Variants in NUP205 observed in about 807,000 individuals in gnomAD.
The protein encoded by NUP205 is nuclear pore complex protein Nup205.
Under a neutral mutation model 253.8 loss-of-function variants are expected in NUP205, and 76 were observed. The observed-to-expected ratio is 0.30, with a 90% CI of 0.25 to 0.36. NUP205 has a LOEUF of 0.36. Ranked by LOEUF, NUP205 falls within the 10% of genes least tolerant of loss-of-function variation. The probability of loss-of-function intolerance (pLI) is 1.00; values close to 1 mark genes in which losing one functional copy is unlikely to be tolerated. For missense variants in NUP205, 2,162 were observed against 2,425.5 expected (o/e 0.89, Z 2.28); for synonymous variants, 832 against 850.1 (o/e 0.98, Z 0.37).
At chr7:135,634,195 CA>C (rs1794767151) in intron 35 of NUP205, among the ~76,000 whole-genome samples, 1 of 152,130 alleles carries the variant, frequency 6.6e-6, no homozygotes, top group African/African-American at 2.4e-5. Context: ...CTCAGCCTCC[CA>C]AAATGCAGAT....
intron 8 of NUP205, among the ~76,000 whole-genome samples, chr7:135,585,495 T>G (rs1406744947): frequency 1.3e-5 from 2 of 152,190 alleles, no homozygotes; most frequent in Non-Finnish European, 2.9e-5. Context: ...ATTTAATATT[T>G]TTATACATGA....
In NUP205 at chr7:135,591,227, T is replaced by A. The variant is rs73725155; in HGVS notation, c.1474-223T>A. 0.034 allele frequency among the ~76,000 whole-genome samples: 5,168 copies of A among 152,196 alleles called. 119 individuals are homozygous for A. The highest frequency in any genetic ancestry group is 0.1 in the Middle Eastern group (30 of 294). ...ATTTTGTGACATTGAGATATTTTTT[T>A]AAAAATGTACTTTTATTTCATAAAG... On this transcript the variant is annotated intron_variant, in intron 10 of 42. Transcript: ENST00000285968.
chr7:135,593,924 C>G (rs1007218242), intron 12 of NUP205, among the ~76,000 whole-genome samples: 2 of 152,094 alleles, frequency 1.3e-5, no homozygotes, highest in Non-Finnish European at 1.5e-5. Flanking sequence ...GTGAATATAA[C>G]TAGCAGTAAT....
chr7:135,638,072 T>C lies in NUP205; in HGVS notation c.5265+13T>C, dbSNP rs74654433. ...GGCTATGCAGCAGGTAAGAACCATGTGACTTCTCTAAGGTTTTTATGTTTT... is the reference window on the plus strand; with the variant it reads ...GGCTATGCAGCAGGTAAGAACCATGCGACTTCTCTAAGGTTTTTATGTTTT... On this transcript the variant is annotated intron_variant, in intron 37 of 42. Transcript: ENST00000285968. 7.6e-3 allele frequency: 12,146 copies of C among 1,607,492 alleles called. 201 individuals carry two copies. Among genetic ancestry groups the C allele is most frequent in the East Asian group, 0.062 (2,774 of 44,830 alleles).
intron 14 of NUP205, chr7:135,597,756 A>G: frequency 2.1e-6 from 1 of 485,972 alleles, no homozygotes; most frequent in Non-Finnish European, 3.6e-6. Context: ...TAAAAGAAAC[A>G]TTAAAGATTT....
chr7:135,626,176 A>G lies in NUP205; in HGVS notation c.4672-64A>G, dbSNP rs993420660. ...GAGAAATTTGCCATCAAAGTGTTGC[A>G]CTTTTCTCTGAGGCCCTTGGACATG... On this transcript the variant is annotated intron_variant, in intron 32 of 42. Transcript: ENST00000285968. 62 of 1,597,602 alleles carry G rather than the reference A, an allele frequency of 3.9e-5. No homozygotes were observed. In the African/African-American group the frequency reaches 8.1e-4, roughly 21 times the overall value.
intron 22 of NUP205, 73 bp downstream of exon 22, chr7:135,607,444 T>G: frequency 1.3e-6 from 2 of 1,519,516 alleles, no homozygotes; most frequent in Non-Finnish European, 1.8e-6. Flanking sequence ...GCCACAGATA[T>G]GACAGTATAA....
At chr7:135,583,862 AG>A (rs1208288120) in intron 7 of NUP205, among the ~76,000 whole-genome samples, 1 of 115,220 alleles carries the variant, frequency 8.7e-6, no homozygotes, top group East Asian at 2.4e-4. Flanking sequence ...TTTTTTTTTG[AG>A]ACGGAGTTTT....
intron 24 of NUP205, 37 bp downstream of exon 24, chr7:135,616,102 AGTT>A (rs769150229): frequency 9.5e-6 from 15 of 1,579,926 alleles, no homozygotes; most frequent in South Asian, 3.4e-5. Flanking sequence ...GCTGGTGACT[AGTT>A]GTCGTGAAGA....
At chr7:135,597,709 T>G (rs1244795288) in intron 14 of NUP205, 1 of 448,768 alleles carries the variant, frequency 2.2e-6, no homozygotes, top group African/African-American at 2.0e-5. Flanking sequence ...AAATGAGAGT[T>G]AATTATTTTC....
At chr7:135,589,434 A>G (rs1424935056) in intron 10 of NUP205, among the ~76,000 whole-genome samples, 1 of 150,796 alleles carries the variant, frequency 6.6e-6, no homozygotes, top group African/African-American at 2.4e-5. Context: ...GGTTATAGAC[A>G]TGCGCCACCA....
At chr7:135,637,650 T>C (rs1794833713) in intron 36 of NUP205, among the ~76,000 whole-genome samples, 1 of 152,184 alleles carries the variant, frequency 6.6e-6, no homozygotes, top group South Asian at 2.1e-4. Context: ...ATACCTACTT[T>C]GATATAATGC....
At chr7:135,609,761 C>T (rs75543403) in intron 22 of NUP205, among the ~76,000 whole-genome samples, 13,522 of 152,194 alleles carry the variant, frequency 0.089, 725 homozygotes, top group Non-Finnish European at 0.13. Flanking sequence ...TTCTGTCCTC[C>T]GGCTGTCCAA....
chr7:135,569,146 C>G (rs1317717413), intron 1 of NUP205, among the ~76,000 whole-genome samples: 1 of 152,240 alleles, frequency 6.6e-6, no homozygotes, highest in Admixed American at 6.5e-5. Context: ...TCTCGGCTCA[C>G]TCCAACCTCC....
rs1355612786 is a variant in NUP205 at position 135,648,738 on chromosome 7, T to G, written c.*182T>G. Reference sequence around the variant, plus strand: ...TCCTCACTAGTAAAAAATAAATACTTTTTAAAAAAACAAAACAAATGTATG... The same window carrying G: ...TCCTCACTAGTAAAAAATAAATACTGTTTAAAAAAACAAAACAAATGTATG... On this transcript the variant is annotated 3_prime_UTR_variant, in exon 43 of 43. Transcript: ENST00000285968. 2.5e-6 allele frequency: 1 copy of G among 395,446 alleles called. No homozygotes were observed. The highest frequency in any genetic ancestry group is 2.1e-5 in the African/African-American group (1 of 47,914). 24.5% of individuals were successfully genotyped at this position (395,446 alleles called of 1,614,324 possible). A position where few individuals can be genotyped will look rare whatever the true frequency, so the allele number is the denominator to read the frequency against.
rs770753177 is a variant in NUP205 at position 135,576,355 on chromosome 7, G to A, written c.429G>A (p.Ala143=). The A allele has an allele frequency of 1.9e-5, 30 of 1,613,728 alleles. No homozygotes were observed. Among genetic ancestry groups the A allele is most frequent in the East Asian group, 4.5e-5 (2 of 44,878 alleles). Residue 143 remains alanine (A), a synonymous_variant, in exon 4 of 43, where the codon GCG becomes GCA. Transcript: ENST00000285968. The part of the protein sequence containing the change: ...LLYWDGKRCI[A]NSLKALIQSR... The stretch of plus-strand genomic sequence containing the variant: ...ACTGGGATGGAAAGCGATGCATTGC[G>A]AATTCCTTGAAAGCCTTGATACAGT...
rs1166255713 is a variant in NUP205 at position 135,602,979 on chromosome 7, TG to T, written c.2689del (p.Val897Ter). The T allele has an allele frequency of 6.2e-7, 1 of 1,609,072 alleles. No individual in the cohort carries two copies. Among genetic ancestry groups the T allele is most frequent in the Non-Finnish European group, 8.5e-7 (1 of 1,176,792 alleles). ...INPRTKKADN[V>X]VNIARYLYHG... ...CCCAGAACTAAGAAGGCAGATAATG[TG>T]GTAAACATTGCCAGGTAAGTTACCT... On this transcript the variant is annotated frameshift_variant, in exon 18 of 43. Coordinates refer to ENST00000285968, the MANE Select transcript of NUP205 (RefSeq NM_015135.3). LOFTEE classifies it high-confidence loss of function.
In NUP205 at chr7:135,644,978, G is replaced by C. The variant is rs762662147; in HGVS notation, c.5643G>C (p.Lys1881Asn). The C allele has an allele frequency of 6.2e-7, 1 of 1,614,076 alleles. No homozygotes were observed. The highest frequency in any genetic ancestry group is 1.7e-5 in the Admixed American group (1 of 60,024). Residue 1881 changes from lysine (K) to asparagine (N), a missense_variant, in exon 40 of 43, where the codon AAG becomes AAC. Lys to Asn is a moderately conservative substitution (Grantham distance 94). This residue lies in a region of NUP205 where 1,144 missense variants were observed against 1,280.9 expected (regional missense o/e 0.89). Coordinates refer to ENST00000285968, the MANE Select transcript of NUP205 (RefSeq NM_015135.3). ...KYVLARRRLV[K>N]VINNRAKLLS... Reference sequence around the variant, plus strand: ...TTCTAGCAAGACGGCGCTTGGTGAAGGTGATCAACAATCGAGCTAAACTGC... The same window carrying C: ...TTCTAGCAAGACGGCGCTTGGTGAACGTGATCAACAATCGAGCTAAACTGC...
chr7:135,578,060 AT>A, intron 6 of NUP205, 36 bp downstream of exon 6: 1 of 1,471,352 alleles, frequency 6.8e-7, no homozygotes, highest in South Asian at 1.1e-5. Flanking sequence ...CATTAAAAAA[AT>A]CAGATTTAAA....
Sources: gnomAD v4.1 joint callset for allele counts (sites outside exome capture counted in the v4.1 genomes callset) on GRCh38, gnomAD v4.1.1 for gene constraint, gnomAD v4.1.1 regional missense constraint, MANE v1.5 for transcripts, NCBI Gene and HGNC (gene_info 2026-07-23, HGNC 2026-07-21) for gene names.